NEGR1: variants seen among roughly 807,000 people sequenced by gnomAD.
The protein encoded by NEGR1 is neuronal growth regulator 1, also known as IgLON family member 4.
Under a neutral mutation model 40.9 loss-of-function variants are expected in NEGR1, and 10 were observed. That is an observed-to-expected ratio of 0.24 (90% CI 0.15 to 0.42). The LOEUF (loss-of-function observed/expected upper bound fraction) is 0.42, where lower values mean the gene tolerates loss of function less well. Among genes scored for constraint, NEGR1 ranks in the 10% least tolerant of loss-of-function variants. The pLI, the probability that NEGR1 is intolerant of heterozygous loss-of-function variation, is 1.00. For missense variants in NEGR1, 352 were observed against 438.9 expected (o/e 0.80, Z 1.77); for synonymous variants, 185 against 166.8 (o/e 1.11, Z -0.84).
At chr1:72,223,700 T>C (rs940413021) in intron 1 of NEGR1, among the ~76,000 whole-genome samples, 2 of 152,144 alleles carry the variant, frequency 1.3e-5, no homozygotes, top group Non-Finnish European at 2.9e-5. Flanking sequence ...TTACAATAAT[T>C]CTGATAATCC....
chr1:71,694,687 T>C (rs774763246), intron 4 of NEGR1, among the ~76,000 whole-genome samples: 23 of 151,744 alleles, frequency 1.5e-4, no homozygotes, highest in Admixed American at 2.6e-4. Context: ...ATTAGAGAAA[T>C]AATAAAACAT....
intron 1 of NEGR1, among the ~76,000 whole-genome samples, chr1:72,065,575 G>C (rs185827153): frequency 6.6e-6 from 1 of 152,176 alleles, no homozygotes; most frequent in African/African-American, 2.4e-5. Flanking sequence ...TAGGAGAAAG[G>C]ACTTGAACTC....
At chr1:71,843,014 C>T (rs1659295699) in intron 2 of NEGR1, among the ~76,000 whole-genome samples, 1 of 152,110 alleles carries the variant, frequency 6.6e-6, no homozygotes, top group Admixed American at 6.6e-5. Flanking sequence ...GGCAATATTT[C>T]TGCCTTTTTG....
intron 6 of NEGR1, among the ~76,000 whole-genome samples, chr1:71,535,813 G>A (rs1647492563): frequency 6.6e-6 from 1 of 151,636 alleles, no homozygotes. Context: ...GATAAAATAG[G>A]GATCAGATCT....
chr1:71,759,634 G>T (rs1334824547), intron 3 of NEGR1, among the ~76,000 whole-genome samples: 98 of 36,028 alleles, frequency 2.7e-3, no homozygotes, highest in East Asian at 0.01. Flanking sequence ...TTTTGAGACG[G>T]AGTCCCACTC....
chr1:71,649,696 T>C (rs950578658), intron 4 of NEGR1, among the ~76,000 whole-genome samples: 11 of 152,166 alleles, frequency 7.2e-5, no homozygotes, highest in Admixed American at 3.3e-4. Context: ...AATGAACTTA[T>C]ATTACATAAA....
At chr1:71,610,182 G>A (rs1381126611) in intron 5 of NEGR1, among the ~76,000 whole-genome samples, 1 of 152,160 alleles carries the variant, frequency 6.6e-6, no homozygotes, top group Non-Finnish European at 1.5e-5. Context: ...CATATATGTT[G>A]TACAGTATGG....
At chr1:71,616,606 G>C (rs1458773764) in intron 4 of NEGR1, among the ~76,000 whole-genome samples, 2 of 152,166 alleles carry the variant, frequency 1.3e-5, no homozygotes, top group East Asian at 3.9e-4. Flanking sequence ...ATAAGTTGAG[G>C]TACTTCAATT....
intron 1 of NEGR1, among the ~76,000 whole-genome samples, chr1:72,205,246 T>C: frequency 6.6e-6 from 1 of 152,034 alleles, no homozygotes; most frequent in East Asian, 1.9e-4. Context: ...TCCTCCATTC[T>C]TACCCAACCC....
intron 2 of NEGR1, among the ~76,000 whole-genome samples, chr1:71,916,519 G>A (rs1007687288): frequency 1.3e-5 from 2 of 152,148 alleles, no homozygotes; most frequent in East Asian, 1.9e-4. Context: ...TTGGGAGGCC[G>A]AAGCGGGTGG....
At chr1:72,226,736 A>T (rs1285362255) in intron 1 of NEGR1, among the ~76,000 whole-genome samples, 1 of 152,050 alleles carries the variant, frequency 6.6e-6, no homozygotes. Flanking sequence ...TGCTTTTTTG[A>T]AACTCAGAAA....
intron 1 of NEGR1, among the ~76,000 whole-genome samples, chr1:72,183,599 A>G (rs1378488656): frequency 1.3e-5 from 2 of 152,110 alleles, no homozygotes; most frequent in East Asian, 3.9e-4. Context: ...CTATAAACAA[A>G]TGATTTAAAA....
intron 1 of NEGR1, among the ~76,000 whole-genome samples, chr1:72,012,816 TAC>T (rs147632951): frequency 1.1e-4 from 16 of 145,486 alleles, no homozygotes; most frequent in South Asian, 4.4e-4. Context: ...TATATATATA[TAC>T]ACACACACAC....
At chr1:72,122,697 G>T (rs1021106453) in intron 1 of NEGR1, among the ~76,000 whole-genome samples, 2 of 151,702 alleles carry the variant, frequency 1.3e-5, no homozygotes, top group African/African-American at 4.8e-5. Context: ...AACTATGCAG[G>T]GTGGAGTGGT....
chr1:72,145,174 A>G (rs903177720), intron 1 of NEGR1, among the ~76,000 whole-genome samples: 14 of 152,106 alleles, frequency 9.2e-5, no homozygotes, highest in Non-Finnish European at 1.9e-4. Flanking sequence ...ATTACATACT[A>G]TAAGACCTCC....
intron 6 of NEGR1, among the ~76,000 whole-genome samples, chr1:71,554,940 A>G (rs181956389): frequency 1.3e-5 from 2 of 151,652 alleles, no homozygotes; most frequent in Non-Finnish European, 1.5e-5. Flanking sequence ...GAAAAACTCC[A>G]AGAAGTGATC....
chr1:72,042,590 TC>T (rs1646965727), intron 1 of NEGR1, among the ~76,000 whole-genome samples: 1 of 151,836 alleles, frequency 6.6e-6, no homozygotes, highest in Non-Finnish European at 1.5e-5. Flanking sequence ...CCTACCCTCT[TC>T]CCCATCAACT....
chr1:71,607,674 C>CTTTTTATTTATTTTTATTTTTTCAT (rs1650113789), intron 5 of NEGR1, among the ~76,000 whole-genome samples: 1 of 152,020 alleles, frequency 6.6e-6, no homozygotes, highest in Non-Finnish European at 1.5e-5. Flanking sequence ...AAATAGACAG[C>CTTTTTATTTATTTTTATTTTTTCAT]TTTTTATTTA....
At chr1:71,873,368 A>C (rs901015110) in intron 2 of NEGR1, among the ~76,000 whole-genome samples, 1 of 152,068 alleles carries the variant, frequency 6.6e-6, no homozygotes, top group Non-Finnish European at 1.5e-5. Flanking sequence ...CAAAATGTTT[A>C]AAAGGAGAAA....
Sources: allele counts gnomAD v4.1 joint callset (sites outside exome capture counted in the v4.1 genomes callset), GRCh38; gene constraint gnomAD v4.1.1; transcripts MANE v1.5; gene names NCBI Gene and HGNC (gene_info 2026-07-23, HGNC 2026-07-21).